The following KLHL29 variants were observed in gnomAD, a reference collection of about 807,000 sequenced individuals.
KLHL29 encodes the protein kelch-like protein 29.
KLHL29 carries 21 observed loss-of-function variants against 80.4 expected under a neutral mutation model. That is an observed-to-expected ratio of 0.26 (90% CI 0.19 to 0.38). The LOEUF is 0.38. Ranked by LOEUF, KLHL29 falls within the 10% of genes least tolerant of loss-of-function variation. The probability of loss-of-function intolerance (pLI) is 1.00; values close to 1 mark genes in which losing one functional copy is unlikely to be tolerated. For missense variants in KLHL29, 867 were observed against 1,223.9 expected, an observed-to-expected ratio of 0.71 and a Z score of 4.35; for synonymous variants, 511 against 526.8, an observed-to-expected ratio of 0.97 and a Z score of 0.41.
intron 5 of KLHL29, among the ~76,000 whole-genome samples, chr2:23,652,389 CTT>C (rs1238033934): frequency 2.6e-5 from 4 of 152,240 alleles, no homozygotes; most frequent in Non-Finnish European, 5.9e-5. Flanking sequence ...AGAGCTGTCT[CTT>C]CGTGTAACTT....
rs1158166216 is a variant in KLHL29, at chr2:23,647,893, T to G, written c.940+5043T>G. ...GGTCAGGGGCAGCAAGGATGCTATTTCATCCCCACTCCCCCCTCAGTATCC... is the reference window on the plus strand; with the variant it reads ...GGTCAGGGGCAGCAAGGATGCTATTGCATCCCCACTCCCCCCTCAGTATCC... On this transcript the variant is annotated intron_variant, in intron 5 of 13. Coordinates refer to ENST00000486442, the MANE Select transcript of KLHL29 (RefSeq NM_052920.2). The surrounding 1 kb of genome is among the most constrained non-coding windows in gnomAD (Gnocchi z 4.9). Among the ~76,000 whole-genome samples the G allele has an allele frequency of 6.6e-6, 1 of 151,986 alleles. No individual in the cohort carries two copies. Among genetic ancestry groups the G allele is most frequent in the African/African-American group, 2.4e-5 (1 of 41,358 alleles).
chr2:23,609,572 G>A (rs1040190780), intron 3 of KLHL29, among the ~76,000 whole-genome samples: 1 of 152,084 alleles, frequency 6.6e-6, no homozygotes. Flanking sequence ...AAGGATGCCT[G>A]TGTGGAGCCG....
intron 5 of KLHL29, among the ~76,000 whole-genome samples, chr2:23,658,515 G>A (rs532084208): frequency 2.0e-5 from 3 of 152,260 alleles, no homozygotes; most frequent in South Asian, 2.1e-4. Context: ...GACACTGGCC[G>A]TGGCTCCTCT....
intron 2 of KLHL29, among the ~76,000 whole-genome samples, chr2:23,512,820 G>C (rs905497302): frequency 6.6e-6 from 1 of 152,248 alleles, no homozygotes; most frequent in African/African-American, 2.4e-5. Context: ...GCTGTCTGTT[G>C]GTTAAAGGGT....
rs545247489 is a variant in KLHL29, at chr2:23,591,662, C to T, written c.285+29181C>T. On this transcript the variant is annotated intron_variant, in intron 3 of 13. Transcript: ENST00000486442. ...CACCGTGCTGGCCAAGGTCCTCGCC[C>T]GGTCTCCTCTGGACTGCTGTAAAAC... Among the ~76,000 whole-genome samples the T allele has an allele frequency of 1.7e-3, 254 of 152,302 alleles. 1 individual carries two copies. The highest frequency in any genetic ancestry group is 5.7e-3 in the African/African-American group (236 of 41,544).
chr2:23,387,302 A>G (rs1365500989), intron 1 of KLHL29, among the ~76,000 whole-genome samples: 1 of 151,418 alleles, frequency 6.6e-6, no homozygotes, highest in African/African-American at 2.4e-5. Flanking sequence ...TGGGATTCGG[A>G]CTCCTCTTGC....
chr2:23,678,087 C>T (rs557574765), intron 5 of KLHL29, among the ~76,000 whole-genome samples: 1 of 152,192 alleles, frequency 6.6e-6, no homozygotes, highest in Non-Finnish European at 1.5e-5. Context: ...TATAGGCCAG[C>T]CAGAACGAGC....
chr2:23,574,419 G>GA (rs1667793025), intron 3 of KLHL29, among the ~76,000 whole-genome samples: 1 of 152,170 alleles, frequency 6.6e-6, no homozygotes, highest in African/African-American at 2.4e-5. Flanking sequence ...CTGTGCACAA[G>GA]AATGTCCACC....
chr2:23,494,403 GCTC>G (rs1665195946), intron 2 of KLHL29, among the ~76,000 whole-genome samples: 1 of 152,208 alleles, frequency 6.6e-6, no homozygotes, highest in African/African-American at 2.4e-5. Context: ...TCCACCAGCA[GCTC>G]CTCCACGGAG....
At chr2:23,678,449 G>C (rs1406472760) in intron 5 of KLHL29, among the ~76,000 whole-genome samples, 1 of 152,192 alleles carries the variant, frequency 6.6e-6, no homozygotes, top group Non-Finnish European at 1.5e-5. Flanking sequence ...TCATAGGAAT[G>C]AGCCTGGGCT....
At position 23,703,254 on chromosome 2, in the gene KLHL29, C is replaced by T. The variant is rs995967995; in HGVS notation, c.2174C>T (p.Ala725Val). 6.5e-7 allele frequency: 1 copy of T among 1,545,426 alleles called. No homozygotes were observed. Among genetic ancestry groups the T allele is most frequent in the Non-Finnish European group, 8.7e-7 (1 of 1,143,882 alleles). Residue 725 changes from alanine (A) to valine (V), a missense_variant, in exon 12 of 14, where the codon GCC becomes GTC. This residue lies in a region of KLHL29 where 443 missense variants were observed against 767.0 expected (regional missense o/e 0.58). Transcript: ENST00000486442. Reference sequence around the variant, plus strand: ...CCCAAGGCAGTACACTCTGCTGCAGCCACAGTGTGTGGCGGCAAGATCTAC... The same window carrying T: ...CCCAAGGCAGTACACTCTGCTGCAGTCACAGTGTGTGGCGGCAAGATCTAC... ...PLPKAVHSAA[A>V]TVCGGKIYVF...
chr2:23,475,009 TAAA>T (rs111987548), intron 1 of KLHL29, among the ~76,000 whole-genome samples: 1 of 141,652 alleles, frequency 7.1e-6, no homozygotes. Flanking sequence ...ATCTATAATT[TAAA>T]AAAAAAAAAA....
chr2:23,464,416 G>A (rs899754110), intron 1 of KLHL29, among the ~76,000 whole-genome samples: 7 of 152,176 alleles, frequency 4.6e-5, no homozygotes, highest in Admixed American at 2.0e-4. Flanking sequence ...CTGCCTTCGG[G>A]GGGGATAACT....
At chr2:23,665,424 G>A (rs762272536) in intron 5 of KLHL29, among the ~76,000 whole-genome samples, 2 of 152,182 alleles carry the variant, frequency 1.3e-5, no homozygotes, top group South Asian at 2.1e-4. Flanking sequence ...ATCATGGCCT[G>A]AAGGGTTTGA....
intron 3 of KLHL29, among the ~76,000 whole-genome samples, chr2:23,623,807 A>G (rs1213296735): frequency 6.6e-6 from 1 of 152,208 alleles, no homozygotes; most frequent in Non-Finnish European, 1.5e-5. Flanking sequence ...GTAGGGTTGT[A>G]CAGCGTGGAC....
intron 2 of KLHL29, among the ~76,000 whole-genome samples, chr2:23,509,421 T>C (rs937201188): frequency 2.0e-5 from 3 of 152,170 alleles, no homozygotes; most frequent in Admixed American, 2.0e-4. Context: ...AGTTCATAAC[T>C]TATTCTTGCC....
Position 23,643,030 on chromosome 2 carries a change from G to A in KLHL29, c.940+180G>A, listed in dbSNP as rs1204036536. The A allele has an allele frequency of 3.9e-6, 3 of 779,092 alleles. No individual in the cohort carries two copies. The East Asian group carries it at 8.0e-5, about 21-fold the overall frequency. 48.3% of individuals were successfully genotyped at this position (779,092 alleles called of 1,614,324 possible). ...CAACTGGCCTGAGATGGGGGAGGGA[G>A]GGGGAAGGTGTGGAGGGCGGGACAA... On this transcript the variant is annotated intron_variant, in intron 5 of 13. Coordinates refer to ENST00000486442, the MANE Select transcript of KLHL29 (RefSeq NM_052920.2).
intron 1 of KLHL29, among the ~76,000 whole-genome samples, chr2:23,475,304 C>T (rs1024752811): frequency 5.6e-5 from 8 of 143,156 alleles, no homozygotes; most frequent in African/African-American, 2.1e-4. Context: ...ATATCTGCCA[C>T]TCGGAGTACT....
intron 2 of KLHL29, among the ~76,000 whole-genome samples, chr2:23,547,741 G>A (rs1351927001): frequency 6.6e-6 from 1 of 151,886 alleles, no homozygotes; most frequent in Non-Finnish European, 1.5e-5. Flanking sequence ...GTAGCGGGAG[G>A]AAAAGATACT....
Sources: allele counts gnomAD v4.1 joint callset (sites outside exome capture counted in the v4.1 genomes callset), GRCh38; gene constraint gnomAD v4.1.1; regional missense constraint gnomAD v4.1.1; non-coding constraint Gnocchi (gnomAD v3.1); transcripts MANE v1.5; gene names NCBI Gene and HGNC (gene_info 2026-07-23, HGNC 2026-07-21).